Variants in NBAS observed in about 807,000 individuals in gnomAD.
The protein encoded by NBAS is NAG/BC035112 fusion.
NBAS carries 219 observed loss-of-function variants against 302.5 expected under a neutral mutation model. That is an observed-to-expected ratio of 0.72 (90% CI 0.65 to 0.81). The LOEUF (loss-of-function observed/expected upper bound fraction) is 0.81, where lower values mean the gene tolerates loss of function less well. Among genes scored for constraint, NBAS ranks in the 30% least tolerant of loss-of-function variants. NBAS has a pLI of 0.00. For synonymous variants in NBAS, 1,118 were observed against 1,021.6 expected, an observed-to-expected ratio of 1.09 and a Z score of -1.80; for missense variants, 2,932 against 2,841.6, an observed-to-expected ratio of 1.03 and a Z score of -0.72.
intron 44 of NBAS, among the ~76,000 whole-genome samples, chr2:15,255,638 A>G (rs1029458969): frequency 6.6e-6 from 1 of 152,142 alleles, no homozygotes; most frequent in Non-Finnish European, 1.5e-5. Flanking sequence ...CAATGTCTAG[A>G]AGAGTTTTTC....
the NBAS span, among the ~76,000 whole-genome samples, chr2:14,882,600 A>G: frequency 6.6e-6 from 1 of 152,200 alleles, no homozygotes; most frequent in African/African-American, 2.4e-5. Flanking sequence ...TCAAAGAGAA[A>G]TTATCAAGAA....
chr2:15,122,098 G>A, the NBAS span, among the ~76,000 whole-genome samples: 1 of 151,888 alleles, frequency 6.6e-6, no homozygotes, highest in East Asian at 1.9e-4. Context: ...AGGTGGAAGA[G>A]GATGGGGTAT....
At chr2:15,458,323 T>G (rs1171814887) in intron 21 of NBAS, among the ~76,000 whole-genome samples, 1 of 152,134 alleles carries the variant, frequency 6.6e-6, no homozygotes, top group Non-Finnish European at 1.5e-5. Flanking sequence ...AACTATGACA[T>G]GGTTTAGATG....
the NBAS span, among the ~76,000 whole-genome samples, chr2:14,925,277 A>G: frequency 6.6e-6 from 1 of 151,914 alleles, no homozygotes; most frequent in Non-Finnish European, 1.5e-5. Context: ...CTCATGCGCA[A>G]TTTCCCACTG....
At chr2:15,201,444 TG>T (rs1456082489) in intron 48 of NBAS, among the ~76,000 whole-genome samples, 1 of 152,220 alleles carries the variant, frequency 6.6e-6, no homozygotes, top group Non-Finnish European at 1.5e-5. Context: ...TTAATATCTC[TG>T]TGGAAGGGAA....
the NBAS span, among the ~76,000 whole-genome samples, chr2:14,877,471 G>A: frequency 6.6e-6 from 1 of 152,120 alleles, no homozygotes; most frequent in Non-Finnish European, 1.5e-5. Flanking sequence ...TTTGACTCTA[G>A]TTATTGATGC....
chr2:14,947,291 G>A, the NBAS span, among the ~76,000 whole-genome samples: 2 of 151,908 alleles, frequency 1.3e-5, no homozygotes, highest in Admixed American at 6.6e-5. Context: ...CAAGAAAAAA[G>A]AGAGAAGACC....
chr2:15,446,983 A>G (rs1055240675), intron 21 of NBAS, among the ~76,000 whole-genome samples: 2 of 152,102 alleles, frequency 1.3e-5, no homozygotes, highest in African/African-American at 4.8e-5. Context: ...CAGAAAAAGA[A>G]AAAAAGGGAA....
intron 21 of NBAS, among the ~76,000 whole-genome samples, chr2:15,444,286 G>A (rs1553314693): frequency 6.6e-6 from 1 of 152,134 alleles, no homozygotes; most frequent in Non-Finnish European, 1.5e-5. Context: ...AAACAGCATG[G>A]TATTGGTACC....
chr2:14,885,712 G>A, the NBAS span, among the ~76,000 whole-genome samples: 1 of 152,120 alleles, frequency 6.6e-6, no homozygotes, highest in Non-Finnish European at 1.5e-5. Flanking sequence ...GAGAAGAGAA[G>A]CATGCAAAGA....
chr2:15,338,164 C>A (rs556605551), intron 35 of NBAS, among the ~76,000 whole-genome samples: 1 of 152,270 alleles, frequency 6.6e-6, no homozygotes, highest in African/African-American at 2.4e-5. Context: ...TGTTGGTCAA[C>A]GACTATGACA....
chr2:14,838,632 C>T, the NBAS span, among the ~76,000 whole-genome samples: 17 of 151,784 alleles, frequency 1.1e-4, no homozygotes, highest in Middle Eastern at 3.4e-3. Context: ...TTATTGTATA[C>T]CAGAGTTGAA....
At chr2:15,442,641 A>T (rs1189317594) in intron 21 of NBAS, among the ~76,000 whole-genome samples, 6 of 151,820 alleles carry the variant, frequency 4.0e-5, no homozygotes, top group Admixed American at 1.3e-4. Context: ...AAGGCAAGAA[A>T]TAACTAAAAT....
chr2:15,470,830 T>C (rs4668913), intron 16 of NBAS, among the ~76,000 whole-genome samples: 92,198 of 151,936 alleles, frequency 0.61, 28,927 homozygotes, highest in Non-Finnish European at 0.68. Context: ...TGTGGTGTTG[T>C]GTGCCTGTAG....
chr2:14,901,998 A>C, the NBAS span, among the ~76,000 whole-genome samples: 1 of 152,202 alleles, frequency 6.6e-6, no homozygotes, highest in Non-Finnish European at 1.5e-5. Flanking sequence ...AAAATGCACC[A>C]CTGAGCTTTT....
At chr2:15,376,609 G>C (rs545998069) in intron 30 of NBAS, among the ~76,000 whole-genome samples, 1 of 152,074 alleles carries the variant, frequency 6.6e-6, no homozygotes, top group East Asian at 1.9e-4. Flanking sequence ...TGGGGGGAAT[G>C]GGGGGACTTG....
the NBAS span, among the ~76,000 whole-genome samples, chr2:15,055,390 G>A: frequency 6.6e-6 from 1 of 152,138 alleles, no homozygotes; most frequent in African/African-American, 2.4e-5. Context: ...AAGTAATCAT[G>A]AGCCCTTCTT....
At chr2:15,451,515 G>C (rs1468014891) in intron 21 of NBAS, among the ~76,000 whole-genome samples, 1 of 152,094 alleles carries the variant, frequency 6.6e-6, no homozygotes, top group African/African-American at 2.4e-5. Flanking sequence ...ATCTACCTTT[G>C]ATTTGTGAAG....
intron 23 of NBAS, among the ~76,000 whole-genome samples, chr2:15,421,321 T>C (rs1677203557): frequency 6.6e-6 from 1 of 152,178 alleles, no homozygotes; most frequent in Admixed American, 6.5e-5. Flanking sequence ...TTGAATCTGT[T>C]GCCTTCCCAA....
Sources: gnomAD v4.1 joint callset for allele counts (sites outside exome capture counted in the v4.1 genomes callset) on GRCh38, gnomAD v4.1.1 for gene constraint, MANE v1.5 for transcripts, NCBI Gene and HGNC (gene_info 2026-07-23, HGNC 2026-07-21) for gene names.